The following RAP1GAP2 variants were observed in gnomAD, a reference collection of about 807,000 sequenced individuals.
RAP1GAP2 encodes RAP1 GTPase activating protein 2, also known as rap1 GTPase-activating protein 2.
Under a neutral mutation model 95.0 loss-of-function variants are expected in RAP1GAP2, and 27 were observed. That is an observed-to-expected ratio of 0.28 (90% CI 0.21 to 0.39). RAP1GAP2 has a LOEUF of 0.39. RAP1GAP2 is among the 10% of genes least tolerant of loss of function. RAP1GAP2 has a pLI of 1.00. For missense variants in RAP1GAP2, 771 were observed against 970.0 expected (o/e 0.79, Z 2.72); for synonymous variants, 373 against 380.9 (o/e 0.98, Z 0.24).
chr17:2,826,337 C>A (rs973764597), intron 2 of RAP1GAP2, among the ~76,000 whole-genome samples: 1 of 151,560 alleles, frequency 6.6e-6, no homozygotes, highest in African/African-American at 2.4e-5. Context: ...AGGGCAAAGG[C>A]TGCGGGTGGG....
chr17:2,828,984 C>CTTTTTTTTTTTTT (rs58160165), intron 2 of RAP1GAP2, among the ~76,000 whole-genome samples: 3 of 80,824 alleles, frequency 3.7e-5, no homozygotes, highest in Admixed American at 1.8e-4. Context: ...TAATTACTTG[C>CTTTTTTTTTTTTT]TTTTTTTTTT....
At chr17:2,782,134 G>T (rs551033889) in intron 1 of RAP1GAP2, among the ~76,000 whole-genome samples, 8 of 152,138 alleles carry the variant, frequency 5.3e-5, no homozygotes, top group Non-Finnish European at 1.0e-4. Flanking sequence ...TGAGTCTTCT[G>T]CCATGCCCCA....
intron 17 of RAP1GAP2, among the ~76,000 whole-genome samples, chr17:3,009,380 G>A (rs1027986817): frequency 1.3e-5 from 2 of 152,204 alleles, no homozygotes; most frequent in Non-Finnish European, 2.9e-5. Context: ...TATTTGGGGT[G>A]TAATAATTTT....
In RAP1GAP2 at chr17:2,855,775, G is replaced by A. The variant is rs1181402360; in HGVS notation, c.81-49509G>A. Among the ~76,000 whole-genome samples the A allele has an allele frequency of 6.6e-6, 1 of 152,078 alleles. No individual in the cohort carries two copies. Among genetic ancestry groups the A allele is most frequent in the Non-Finnish European group, 1.5e-5 (1 of 68,022 alleles). On this transcript the variant is annotated intron_variant, in intron 2 of 24. Transcript: ENST00000254695. The surrounding 1 kb of genome is among the most constrained non-coding windows in gnomAD (Gnocchi z 4.3). ...CTACAAGTACCCACCACCACGCCCA[G>A]CTAATTTTTTGTATTTTAGTAGAGA... is the stretch of plus-strand genomic sequence containing the variant.
chr17:2,868,463 T>C (rs922171813), intron 2 of RAP1GAP2, among the ~76,000 whole-genome samples: 20 of 152,116 alleles, frequency 1.3e-4, no homozygotes, highest in African/African-American at 4.8e-4. Flanking sequence ...CTAATGAAAG[T>C]CTTTTATGTG....
At chr17:2,894,424 C>G (rs563804289) in intron 2 of RAP1GAP2, among the ~76,000 whole-genome samples, 2 of 152,208 alleles carry the variant, frequency 1.3e-5, no homozygotes, top group East Asian at 3.9e-4. Context: ...AGCGAGACTC[C>G]GTTTCAAAAA....
intron 3 of RAP1GAP2, among the ~76,000 whole-genome samples, chr17:2,921,254 C>T (rs1363332027): frequency 1.3e-5 from 2 of 151,802 alleles, no homozygotes; most frequent in African/African-American, 4.8e-5. Flanking sequence ...GGCTGAAGTG[C>T]AGTGGCGTGA....
At position 3,027,112 on chromosome 17, in the gene RAP1GAP2, C is replaced by T; in HGVS notation, c.2107+42C>T. 4 of 1,537,320 alleles carry T rather than the reference C, an allele frequency of 2.6e-6. No homozygotes were observed. The highest frequency in any genetic ancestry group is 3.5e-6 in the Non-Finnish European group (4 of 1,138,510). On this transcript the variant is annotated intron_variant, in intron 22 of 24. Transcript: ENST00000254695. This position sits in a 1 kb window ranked among gnomAD's most constrained non-coding sequence, Gnocchi z 5.2. ...GGTGTGTGTGACGTCACCAGGAGGG[C>T]AGGCTGTGCCCTGTCCACTGTTAGC...
upstream of RAP1GAP2, among the ~76,000 whole-genome samples, chr17:2,776,356 G>C (rs1010776474): frequency 1.3e-5 from 2 of 151,122 alleles, no homozygotes; most frequent in African/African-American, 2.5e-5. Flanking sequence ...ACCGCACCTC[G>C]GTTCCCCATT....
At chr17:2,917,834 G>T (rs1299862364) in intron 3 of RAP1GAP2, among the ~76,000 whole-genome samples, 1 of 151,974 alleles carries the variant, frequency 6.6e-6, no homozygotes, top group Non-Finnish European at 1.5e-5. Flanking sequence ...TCCTGCCTCA[G>T]CTTCCCAAGT....
intron 2 of RAP1GAP2, among the ~76,000 whole-genome samples, chr17:2,838,087 C>G (rs562089482): frequency 7.6e-6 from 1 of 131,120 alleles, no homozygotes; most frequent in African/African-American, 3.0e-5. Context: ...GGTGCGATCT[C>G]GGCTCACTGC....
chr17:3,027,190 A>AGGAGG lies in RAP1GAP2; in HGVS notation c.2107+122_2107+123insAGGGG. 7.6e-7 allele frequency: 1 copy of AGGAGG among 1,312,744 alleles called. No individual in the cohort carries two copies. The highest frequency in any genetic ancestry group is 1.0e-6 in the Non-Finnish European group (1 of 977,926). 81.3% of individuals were successfully genotyped at this position (1,312,744 alleles called of 1,614,324 possible). A position where few individuals can be genotyped will look rare whatever the true frequency, so the allele number is the denominator to read the frequency against. On this transcript the variant is annotated intron_variant, in intron 22 of 24. Coordinates refer to ENST00000254695, the MANE Select transcript of RAP1GAP2 (RefSeq NM_015085.5). This position sits in a 1 kb window ranked among gnomAD's most constrained non-coding sequence, Gnocchi z 5.2. Reference sequence around the variant, plus strand: ...GTTTTCACCCCTCCTCCCAGCTGTGAGGCCCTCCGCTCTGTGCGCCCGCCT... The same window carrying AGGAGG: ...GTTTTCACCCCTCCTCCCAGCTGTGAGGAGGGGCCCTCCGCTCTGTGCGCCCGCCT...
rs753911312 is a variant in RAP1GAP2 at position 2,965,118 on chromosome 17, G to A, written c.493-422G>A. The A allele has an allele frequency of 5.3e-6, 1 of 188,384 alleles. No homozygotes were observed. Among genetic ancestry groups the A allele is most frequent in the Non-Finnish European group, 1.1e-5 (1 of 89,006 alleles). 11.7% of individuals were successfully genotyped at this position (188,384 alleles called of 1,614,324 possible). A position where few individuals can be genotyped will look rare whatever the true frequency, so the allele number is the denominator to read the frequency against. ...CCCCAGATAGTGTGAACTGGTGAGG[G>A]CCGCCCCATGGGAATGAGAATGTGG... On this transcript the variant is annotated intron_variant, in intron 7 of 24. Transcript: ENST00000254695. This position sits in a 1 kb window ranked among gnomAD's most constrained non-coding sequence, Gnocchi z 4.7.
At position 2,889,889 on chromosome 17, in the gene RAP1GAP2, A is replaced by ATATATTT. The variant is rs1408426152; in HGVS notation, c.81-15394_81-15393insATATTTT. ...TATATATATATATATATATATATATATTTTTTTTTTTTTTTGTAGAGATGG... is the reference window on the plus strand; with the variant it reads ...TATATATATATATATATATATATATATATATTTTTTTTTTTTTTTTTTGTAGAGATGG... On this transcript the variant is annotated intron_variant, in intron 2 of 24. Transcript: ENST00000254695. Among the ~76,000 whole-genome samples the ATATATTT allele has an allele frequency of 4.4e-3, 252 of 57,232 alleles. 2 individuals carry two copies. The highest frequency in any genetic ancestry group is 6.2e-3 in the Admixed American group (22 of 3,554). 37.5% of individuals were successfully genotyped at this position (57,232 alleles called of 152,430 possible).
At chr17:2,821,147 CCA>C (rs2070286810) in intron 2 of RAP1GAP2, among the ~76,000 whole-genome samples, 1 of 152,068 alleles carries the variant, frequency 6.6e-6, no homozygotes, top group Non-Finnish European at 1.5e-5. Flanking sequence ...GAGTCCCTCT[CCA>C]CAGGCCCAGG....
chr17:3,001,968 CTTT>C (rs71377566), intron 14 of RAP1GAP2, among the ~76,000 whole-genome samples: 5 of 138,626 alleles, frequency 3.6e-5, no homozygotes, highest in Non-Finnish European at 1.6e-5. Flanking sequence ...TCTTCTTCTC[CTTT>C]TTTTTTTTTT....
chr17:2,958,660 C>T (rs1597721574), intron 4 of RAP1GAP2, among the ~76,000 whole-genome samples: 2 of 152,012 alleles, frequency 1.3e-5, no homozygotes, highest in Non-Finnish European at 2.9e-5. Context: ...GTGCGTGGCT[C>T]ATAAGTAGCT....
Position 2,981,927 on chromosome 17 carries a change from G to A in RAP1GAP2, c.729+679G>A, listed in dbSNP as rs144939153. Among the ~76,000 whole-genome samples, 373 of 152,328 alleles carry A rather than the reference G, an allele frequency of 2.4e-3. 1 individual carries two copies. The highest frequency in any genetic ancestry group is 8.5e-3 in the African/African-American group (352 of 41,574). ...GGAAAAGACCCAGTGCATCGACTGC[G>A]TCTTCATGGGCCAGCAGGCTCTGGA... On this transcript the variant is annotated intron_variant, in intron 10 of 24. Coordinates refer to ENST00000254695, the MANE Select transcript of RAP1GAP2 (RefSeq NM_015085.5).
At chr17:2,829,911 C>G (rs149957466) in intron 2 of RAP1GAP2, among the ~76,000 whole-genome samples, 2 of 150,368 alleles carry the variant, frequency 1.3e-5, no homozygotes, top group Admixed American at 1.3e-4. Context: ...CTCAGTCTCT[C>G]GAGAGGCTGG....
Sources: gnomAD v4.1 joint callset for allele counts (sites outside exome capture counted in the v4.1 genomes callset) on GRCh38, gnomAD v4.1.1 for gene constraint, Gnocchi (gnomAD v3.1) non-coding constraint, MANE v1.5 for transcripts, NCBI Gene and HGNC (gene_info 2026-07-23, HGNC 2026-07-21) for gene names.